ULK4: variants seen among roughly 807,000 people sequenced by gnomAD.
ULK4 encodes unc-51 like kinase 4.
ULK4 carries 133 observed loss-of-function variants against 160.6 expected under a neutral mutation model. The observed-to-expected ratio is 0.83, with a 90% CI of 0.72 to 0.96. The LOEUF is 0.96. Among genes scored for constraint, ULK4 ranks in the 40% least tolerant of loss-of-function variants. The pLI, the probability that ULK4 is intolerant of heterozygous loss-of-function variation, is 0.00. For missense variants in ULK4, 1,580 were observed against 1,499.5 expected (o/e 1.05, Z -0.89); for synonymous variants, 534 against 539.8 (o/e 0.99, Z 0.15).
chr3:41,443,090 T>C (rs552010139), intron 34 of ULK4, among the ~76,000 whole-genome samples: 1 of 152,256 alleles, frequency 6.6e-6, no homozygotes, highest in East Asian at 1.9e-4. Flanking sequence ...TTTGCCTGTA[T>C]CACTTCCTCT....
chr3:41,687,272 C>G (rs2036134363), intron 27 of ULK4, among the ~76,000 whole-genome samples: 1 of 151,258 alleles, frequency 6.6e-6, no homozygotes, highest in South Asian at 2.1e-4. Context: ...ACTCAGGAGG[C>G]TGAAGCAGGA....
At position 41,819,431 on chromosome 3, in the gene ULK4, G is replaced by A. The variant is rs202229992; in HGVS notation, c.1840C>T (p.Arg614Trp). ...AAYTVLMRCL[R>W]EGEERVVNHM... ...CAACAAAGGAGCCTTACCCCTTCCCGAAGGCACCTCATTAGCACTGTGTAT... is the reference window on the plus strand; with the variant it reads ...CAACAAAGGAGCCTTACCCCTTCCCAAAGGCACCTCATTAGCACTGTGTAT... The change falls in exon 19 of 37, where the codon CGG becomes TGG. Residue 614 changes from arginine (R) to tryptophan (W), a missense_variant. Arg to Trp is a moderately radical substitution (Grantham distance 101, BLOSUM62 -3). Transcript: ENST00000301831. 100 of 1,613,318 alleles carry A rather than the reference G, an allele frequency of 6.2e-5. No individual in the cohort carries two copies. The highest frequency in any genetic ancestry group is 1.1e-4 in the East Asian group (5 of 44,856).
At chr3:41,729,600 C>A (rs1472371083) in intron 22 of ULK4, among the ~76,000 whole-genome samples, 1 of 152,212 alleles carries the variant, frequency 6.6e-6, no homozygotes, top group Non-Finnish European at 1.5e-5. Context: ...AGGAACAAGG[C>A]CTGATTCATC....
intron 17 of ULK4, among the ~76,000 whole-genome samples, chr3:41,877,994 T>A (rs1697373069): frequency 6.7e-6 from 1 of 149,082 alleles, no homozygotes; most frequent in African/African-American, 2.5e-5. Flanking sequence ...TAAAAAAATC[T>A]GAATTGGAAA....
intron 32 of ULK4, among the ~76,000 whole-genome samples, chr3:41,513,844 C>A (rs1447916237): frequency 6.6e-6 from 1 of 152,082 alleles, no homozygotes; most frequent in African/African-American, 2.4e-5. Context: ...AGGGATAAGA[C>A]TACACACCGG....
intron 32 of ULK4, among the ~76,000 whole-genome samples, chr3:41,554,277 A>G (rs1454106766): frequency 6.6e-6 from 1 of 152,200 alleles, no homozygotes; most frequent in Non-Finnish European, 1.5e-5. Context: ...AATCAACCGA[A>G]TAGTATTCTA....
intron 32 of ULK4, among the ~76,000 whole-genome samples, chr3:41,481,816 G>C (rs1159128569): frequency 8.8e-6 from 1 of 113,384 alleles, no homozygotes; most frequent in Non-Finnish European, 1.6e-5. Context: ...GACAGAGCGA[G>C]ACTCCGTCTC....
intron 35 of ULK4, among the ~76,000 whole-genome samples, chr3:41,337,321 G>A (rs1390296320): frequency 6.6e-6 from 1 of 152,142 alleles, no homozygotes; most frequent in Non-Finnish European, 1.5e-5. Flanking sequence ...GTATGAGGTT[G>A]GGATGAGAGA....
intron 21 of ULK4, among the ~76,000 whole-genome samples, chr3:41,761,345 A>ATATATGTATATGTAT (rs1400839931): frequency 1.3e-5 from 2 of 148,594 alleles, no homozygotes; most frequent in Non-Finnish European, 3.0e-5. Flanking sequence ...ATTATCATAC[A>ATATATGTATATGTAT]TATATGTATA....
chr3:41,826,557 A>C (rs911957424), intron 18 of ULK4, among the ~76,000 whole-genome samples: 1 of 148,960 alleles, frequency 6.7e-6, no homozygotes, highest in Non-Finnish European at 1.5e-5. Flanking sequence ...CAAAAGAGAC[A>C]AAGAAGGCCA....
chr3:41,316,473 T>C (rs2080145029), intron 35 of ULK4, among the ~76,000 whole-genome samples: 1 of 152,214 alleles, frequency 6.6e-6, no homozygotes, highest in African/African-American at 2.4e-5. Flanking sequence ...GCAAAATGGA[T>C]GAAGCTGGAG....
chr3:41,452,799 T>C (rs2083451553), intron 34 of ULK4, among the ~76,000 whole-genome samples: 1 of 152,152 alleles, frequency 6.6e-6, no homozygotes, highest in Non-Finnish European at 1.5e-5. Flanking sequence ...AATGACTCCA[T>C]GTTCGAGCTA....
intron 31 of ULK4, among the ~76,000 whole-genome samples, chr3:41,602,638 T>C (rs1470917608): frequency 6.6e-6 from 1 of 152,134 alleles, no homozygotes; most frequent in Non-Finnish European, 1.5e-5. Context: ...ATAAAAATTT[T>C]TAATAGCAGT....
At chr3:41,731,554 C>T (rs932115637) in intron 22 of ULK4, among the ~76,000 whole-genome samples, 10 of 151,568 alleles carry the variant, frequency 6.6e-5, no homozygotes, top group African/African-American at 2.4e-4. Context: ...TCTATACTAC[C>T]TAAAGTGATC....
intron 30 of ULK4, among the ~76,000 whole-genome samples, chr3:41,651,765 C>G (rs1423114459): frequency 1.3e-5 from 2 of 152,170 alleles, no homozygotes; most frequent in African/African-American, 4.8e-5. Context: ...CTCTAGATTT[C>G]TATTTAAATA....
intron 30 of ULK4, among the ~76,000 whole-genome samples, chr3:41,630,573 A>G (rs2033700774): frequency 6.6e-6 from 1 of 152,192 alleles, no homozygotes; most frequent in African/African-American, 2.4e-5. Context: ...GATAATCTCC[A>G]TATTTTAAGG....
chr3:41,431,294 A>G (rs895318141), intron 34 of ULK4, among the ~76,000 whole-genome samples: 2 of 151,402 alleles, frequency 1.3e-5, no homozygotes, highest in African/African-American at 4.9e-5. Flanking sequence ...GTTGCAGTGA[A>G]CCAAGATCGC....
intron 34 of ULK4, among the ~76,000 whole-genome samples, chr3:41,417,245 T>C (rs1409631963): frequency 6.6e-6 from 1 of 152,134 alleles, no homozygotes; most frequent in Non-Finnish European, 1.5e-5. Flanking sequence ...GAAAAAGCTT[T>C]CTACTAGTAA....
chr3:41,840,940 C>T (rs1162869657), intron 17 of ULK4, among the ~76,000 whole-genome samples: 1 of 150,816 alleles, frequency 6.6e-6, no homozygotes, highest in African/African-American at 2.4e-5. Flanking sequence ...AGCGCCTCTG[C>T]CCGGCCACCC....
Sources: allele counts gnomAD v4.1 joint callset (sites outside exome capture counted in the v4.1 genomes callset), GRCh38; gene constraint gnomAD v4.1.1; transcripts MANE v1.5; gene names NCBI Gene and HGNC (gene_info 2026-07-23, HGNC 2026-07-21).